The following EHBP1 variants were observed in gnomAD, a reference collection of about 807,000 sequenced individuals.
EHBP1 encodes the protein EH domain-binding protein 1.
Under a neutral mutation model 144.0 loss-of-function variants are expected in EHBP1, and 55 were observed. The ratio of observed to expected loss-of-function variants is 0.38; its 90% CI spans 0.31 to 0.48. The LOEUF (loss-of-function observed/expected upper bound fraction) is 0.48. Among genes scored for constraint, EHBP1 ranks in the 20% least tolerant of loss-of-function variants. The pLI, the probability that EHBP1 is intolerant of heterozygous loss-of-function variation, is 0.98. For synonymous variants in EHBP1, 469 were observed against 472.7 expected (o/e 0.99, Z 0.10); for missense variants, 1,200 against 1,364.2 (o/e 0.88, Z 1.90).
intron 10 of EHBP1, among the ~76,000 whole-genome samples, chr2:62,909,394 G>T (rs1285277308): frequency 6.6e-6 from 1 of 152,184 alleles, no homozygotes; most frequent in Non-Finnish European, 1.5e-5. Context: ...TATCATGCAG[G>T]CTGGTCTCGA....
chr2:62,828,509 G>A (rs923283032), intron 6 of EHBP1, among the ~76,000 whole-genome samples: 11 of 151,982 alleles, frequency 7.2e-5, no homozygotes, highest in Non-Finnish European at 1.6e-4. Flanking sequence ...TTATCTTGTA[G>A]CTCTTAAAAA....
At chr2:62,700,415 C>T (rs545149209) in intron 1 of EHBP1, among the ~76,000 whole-genome samples, 1 of 152,048 alleles carries the variant, frequency 6.6e-6, no homozygotes, top group African/African-American at 2.4e-5. Context: ...AGGGGGCTTA[C>T]ATAGCATCAC....
chr2:62,962,783 A>G (rs555156293), intron 14 of EHBP1, among the ~76,000 whole-genome samples: 10 of 152,356 alleles, frequency 6.6e-5, no homozygotes, highest in African/African-American at 2.2e-4. Context: ...TTGTTTAAGC[A>G]GTAATTACGT....
At chr2:62,814,363 A>G (rs1293752824) in intron 5 of EHBP1, among the ~76,000 whole-genome samples, 1 of 152,238 alleles carries the variant, frequency 6.6e-6, no homozygotes, top group South Asian at 2.1e-4. Context: ...GCCCCTTGAC[A>G]TTGAACTTCC....
chr2:62,731,126 TGGATTTATACCTAA>T (rs1211077225), intron 2 of EHBP1, among the ~76,000 whole-genome samples: 2 of 151,954 alleles, frequency 1.3e-5, no homozygotes, highest in African/African-American at 4.8e-5. Flanking sequence ...ATATATTTAT[TGGATTTATACCTAA>T]GTATTTCATT....
intron 16 of EHBP1, among the ~76,000 whole-genome samples, chr2:62,991,084 A>T (rs1205308988): frequency 2.0e-5 from 3 of 152,054 alleles, no homozygotes; most frequent in East Asian, 3.9e-4. Context: ...TTTGCTACTA[A>T]AAGTAAAACA....
chr2:63,021,987 C>T (rs2060773772), intron 19 of EHBP1, among the ~76,000 whole-genome samples: 1 of 152,082 alleles, frequency 6.6e-6, no homozygotes, highest in South Asian at 2.1e-4. Context: ...AGGCTGCTCT[C>T]AAACTCCTGA....
chr2:62,982,337 C>T (rs1364811204), intron 15 of EHBP1, among the ~76,000 whole-genome samples: 1 of 152,184 alleles, frequency 6.6e-6, no homozygotes, highest in Non-Finnish European at 1.5e-5. Flanking sequence ...CTTCCCTTTG[C>T]AGTCTTGAAC....
chr2:62,953,996 T>C (rs1483383992), intron 13 of EHBP1, among the ~76,000 whole-genome samples: 2 of 152,224 alleles, frequency 1.3e-5, no homozygotes, highest in African/African-American at 2.4e-5. Context: ...TAGTTAATGT[T>C]TATTCAGTGC....
Position 62,969,226 on chromosome 2 carries a change from A to G in EHBP1, c.2461-9962A>G, listed in dbSNP as rs943260214. Among the ~76,000 whole-genome samples, 14 of 152,162 alleles carry G rather than the reference A, an allele frequency of 9.2e-5. 1 individual carries two copies. The highest frequency in any genetic ancestry group is 3.9e-4 in the Admixed American group (6 of 15,288). ...AATATAGTACCTACTAGGAATTCAT[A>G]TGTATTAAGTAAATGAATGAAAGAA... On this transcript the variant is annotated intron_variant, in intron 14 of 22. Coordinates refer to ENST00000431489, the MANE Select transcript of EHBP1 (RefSeq NM_001142616.3).
chr2:62,894,927 A>AAG (rs57403564), intron 10 of EHBP1, among the ~76,000 whole-genome samples: 3,635 of 141,158 alleles, frequency 0.026, 99 homozygotes, highest in African/African-American at 0.072. Context: ...AACAGAAAGA[A>AAG]AGAGAGAGAG....
chr2:63,045,035 C>G lies in EHBP1; in HGVS notation c.3278-31C>G, dbSNP rs770840541. On this transcript the variant is annotated intron_variant, in intron 21 of 22. Transcript: ENST00000431489. This position sits in a 1 kb window ranked among gnomAD's most constrained non-coding sequence, Gnocchi z 5.7. Reference sequence around the variant, plus strand: ...GGGGCCGGGTGTTCGGAGGCCCTGCCGGTGGGTAACTAGCCTCCCGTCTTC... The same window carrying G: ...GGGGCCGGGTGTTCGGAGGCCCTGCGGGTGGGTAACTAGCCTCCCGTCTTC... 1.3e-5 allele frequency: 20 copies of G among 1,505,584 alleles called. No homozygotes were observed. The highest frequency in any genetic ancestry group is 1.6e-5 in the Non-Finnish European group (18 of 1,107,218). 93.3% of individuals were successfully genotyped at this position (1,505,584 alleles called of 1,614,324 possible).
chr2:62,914,281 G>T (rs1184993982), intron 10 of EHBP1, among the ~76,000 whole-genome samples: 3 of 151,986 alleles, frequency 2.0e-5, no homozygotes, highest in Admixed American at 6.6e-5. Context: ...AAAAGTTGCA[G>T]TTGTCTCTAG....
chr2:62,837,675 G>T (rs1416487597), intron 7 of EHBP1, among the ~76,000 whole-genome samples: 3 of 148,022 alleles, frequency 2.0e-5, no homozygotes, highest in Non-Finnish European at 4.5e-5. Flanking sequence ...ACAAAAAAAG[G>T]CAGGGGTTGC....
At chr2:62,705,548 C>T (rs1440615248), upstream of EHBP1, 1 of 152,060 alleles carries the variant, frequency 6.6e-6, no homozygotes, top group Non-Finnish European at 1.5e-5. Flanking sequence ...GGGGAAAAAC[C>T]ACCTCCCGAG....
At chr2:62,711,169 A>C (rs2035112443) in intron 2 of EHBP1, among the ~76,000 whole-genome samples, 1 of 152,162 alleles carries the variant, frequency 6.6e-6, no homozygotes, top group Non-Finnish European at 1.5e-5. Flanking sequence ...CCTCACACAC[A>C]CTCAGCACCA....
chr2:62,903,594 C>T (rs2053575480), intron 10 of EHBP1, among the ~76,000 whole-genome samples: 1 of 152,098 alleles, frequency 6.6e-6, no homozygotes, highest in Non-Finnish European at 1.5e-5. Flanking sequence ...TAGACCCTGT[C>T]TCTACAAATT....
At chr2:62,751,913 G>A (rs1362128851) in intron 3 of EHBP1, among the ~76,000 whole-genome samples, 3 of 151,284 alleles carry the variant, frequency 2.0e-5, no homozygotes, top group Admixed American at 6.6e-5. Context: ...TATCAATTTT[G>A]TTGATCTTTT....
intron 8 of EHBP1, among the ~76,000 whole-genome samples, chr2:62,862,341 G>T (rs2049633207): frequency 6.6e-6 from 1 of 152,178 alleles, no homozygotes; most frequent in Non-Finnish European, 1.5e-5. Context: ...GGGCATGGTG[G>T]CTCACACCTG....
Sources: gnomAD v4.1 joint callset for allele counts (sites outside exome capture counted in the v4.1 genomes callset) on GRCh38, gnomAD v4.1.1 for gene constraint, Gnocchi (gnomAD v3.1) non-coding constraint, MANE v1.5 for transcripts, NCBI Gene and HGNC (gene_info 2026-07-23, HGNC 2026-07-21) for gene names.